Variants in CYP2C8 observed in about 807,000 individuals in gnomAD.
The protein encoded by CYP2C8 is cytochrome P450 2C8.
A neutral mutation model predicts 41.3 loss-of-function variants in CYP2C8; 51 were observed. The observed-to-expected ratio is 1.24, with a 90% CI of 0.99 to 1.56. The LOEUF is 1.56. Ranked by LOEUF, CYP2C8 falls within the 40% of genes most tolerant of loss-of-function variation. The probability of loss-of-function intolerance (pLI) is 0.00; values close to 1 mark genes in which losing one functional copy is unlikely to be tolerated. For missense variants in CYP2C8, 651 were observed against 579.9 expected, an observed-to-expected ratio of 1.12 and a Z score of -1.26; for synonymous variants, 218 against 205.8, an observed-to-expected ratio of 1.06 and a Z score of -0.51.
chr10:95,037,195 G>T lies in CYP2C8; in HGVS notation c.1406C>A (p.Thr469Asn), dbSNP rs753802612. The change falls in exon 9 of 9, where the codon ACT becomes AAT. Residue 469 changes from threonine (T) to asparagine (N), a missense_variant. Thr to Asn is a moderately conservative substitution (Grantham distance 65, BLOSUM62 0). Transcript: ENST00000371270. ...KSVDDLKNLNTTAVTKGIVSL... is the reference protein window; with the variant it reads ...KSVDDLKNLNNTAVTKGIVSL... The stretch of plus-strand genomic sequence containing the variant: ...AACAATCCCTTTGGTAACTGCAGTA[G>T]TATTGAGGTTCTTTAAATCATCAAC... The T allele has an allele frequency of 2.9e-5, 46 of 1,613,802 alleles. No homozygotes were observed. The highest frequency in any genetic ancestry group is 3.7e-5 in the Non-Finnish European group (44 of 1,179,852).
intron 4 of CYP2C8, among the ~76,000 whole-genome samples, chr10:95,059,761 A>G (rs781513980): frequency 6.6e-6 from 1 of 152,178 alleles, no homozygotes; most frequent in South Asian, 2.1e-4. Context: ...TTCTTCTAGA[A>G]TTTTTATGGT....
At chr10:95,045,691 G>T in intron 6 of CYP2C8, 119 bp downstream of exon 6, 1 of 1,225,010 alleles carries the variant, frequency 8.2e-7, no homozygotes, top group Non-Finnish European at 1.2e-6. Context: ...ACAGATTACA[G>T]CTGATGACAC....
In CYP2C8 at chr10:95,064,893, G is replaced by A. The variant is rs1462273090; in HGVS notation, c.549C>T (p.Phe183=). The part of the protein sequence containing the change: ...APCNVICSVV[F]QKRFDYKDQN... The stretch of plus-strand genomic sequence containing the variant: ...GATCTTTATAATCAAATCGTTTCTG[G>A]AAAACAACGGAGCAGATCACATTGC... Residue 183 remains phenylalanine (F), a synonymous_variant, in exon 4 of 9, where the codon TTC becomes TTT. Coordinates refer to ENST00000371270, the MANE Select transcript of CYP2C8 (RefSeq NM_000770.3). 1 of 1,613,606 alleles carries A rather than the reference G, an allele frequency of 6.2e-7. No individual in the cohort carries two copies. The highest frequency in any genetic ancestry group is 1.1e-5 in the South Asian group (1 of 91,060).
chr10:95,062,526 A>G (rs142308077), intron 4 of CYP2C8, among the ~76,000 whole-genome samples: 12,149 of 152,150 alleles, frequency 0.08, 612 homozygotes, highest in Middle Eastern at 0.16. Context: ...TTTTGAGCCT[A>G]TGTGCGTCTC....
chr10:95,057,517 AG>A (rs1224893540), intron 5 of CYP2C8, among the ~76,000 whole-genome samples: 1 of 152,274 alleles, frequency 6.6e-6, no homozygotes, highest in East Asian at 1.9e-4. Context: ...TCTTGAAAAA[AG>A]CTTTGAGGAC....
intron 4 of CYP2C8, among the ~76,000 whole-genome samples, chr10:95,063,019 G>A (rs938694454): frequency 3.3e-5 from 5 of 152,306 alleles, no homozygotes; most frequent in African/African-American, 1.2e-4. Context: ...CTGTTAGTCT[G>A]ATGGGCTTCC....
chr10:95,046,046 CA>C (rs1262480654), intron 5 of CYP2C8, 95 bp from the exon 6 acceptor site: 2 of 1,405,190 alleles, frequency 1.4e-6, no homozygotes, highest in Non-Finnish European at 2.0e-6. Flanking sequence ...TAAAGTTAGC[CA>C]AAAGAGATAC....
chr10:95,061,141 T>A (rs1336726888), intron 4 of CYP2C8, among the ~76,000 whole-genome samples: 1 of 152,226 alleles, frequency 6.6e-6, no homozygotes, highest in East Asian at 1.9e-4. Flanking sequence ...GTTATCAGGA[T>A]GATGCTGGCC....
At position 95,048,804 on chromosome 10, in the gene CYP2C8, C is replaced by T. The variant is rs11572141; in HGVS notation, c.820-2853G>A. Among the ~76,000 whole-genome samples, 262 of 152,116 alleles carry T rather than the reference C, an allele frequency of 1.7e-3. 2 individuals are homozygous for T. The highest frequency in any genetic ancestry group is 3.1e-3 in the Admixed American group (47 of 15,264). On this transcript the variant is annotated intron_variant, in intron 5 of 8. Coordinates refer to ENST00000371270, the MANE Select transcript of CYP2C8 (RefSeq NM_000770.3). ...AATGAAATATGATTCTTATATCTCACCACATACAAAAATTAACTCAAGATG... is the reference window on the plus strand; with the variant it reads ...AATGAAATATGATTCTTATATCTCATCACATACAAAAATTAACTCAAGATG...
chr10:95,053,742 A>G (rs1198770551), intron 5 of CYP2C8, among the ~76,000 whole-genome samples: 1 of 152,052 alleles, frequency 6.6e-6, no homozygotes, highest in Non-Finnish European at 1.5e-5. Context: ...AGGGAGGGAA[A>G]CATGACACAC....
chr10:95,038,283 C>T (rs912194757), intron 8 of CYP2C8, among the ~76,000 whole-genome samples: 7 of 152,182 alleles, frequency 4.6e-5, no homozygotes, highest in African/African-American at 1.4e-4. Flanking sequence ...CTTTGAAGCA[C>T]ATGAAACATC....
intron 4 of CYP2C8, among the ~76,000 whole-genome samples, chr10:95,059,111 C>T (rs1263022139): frequency 6.6e-6 from 1 of 152,184 alleles, no homozygotes. Flanking sequence ...CATACGTGTG[C>T]ATGTGTCTTT....
intron 7 of CYP2C8, among the ~76,000 whole-genome samples, chr10:95,041,590 G>C (rs1440498244): frequency 6.6e-6 from 1 of 151,174 alleles, no homozygotes; most frequent in Non-Finnish European, 1.5e-5. Context: ...GACCATCCTG[G>C]CTAACAAGGT....
intron 5 of CYP2C8, among the ~76,000 whole-genome samples, chr10:95,056,570 C>T (rs11572112): frequency 3.3e-5 from 5 of 152,196 alleles, no homozygotes; most frequent in Admixed American, 3.3e-4. Flanking sequence ...TTGAACCACA[C>T]AAAACAACAA....
At position 95,069,228 on chromosome 10, in the gene CYP2C8, G is replaced by C. The variant is rs1406468663; in HGVS notation, c.168+7C>G. ...CAATTGGCTGGAGGAACATAAGGCA[G>C]ACTTACATTGGTGAAAGATTTGCAG... On this transcript the variant is annotated splice_region_variant and intron_variant, in intron 1 of 8. Transcript: ENST00000371270. 1 of 1,614,086 alleles carries C rather than the reference G, an allele frequency of 6.2e-7. No homozygotes were observed. The highest frequency in any genetic ancestry group is 1.1e-5 in the South Asian group (1 of 91,076).
intron 1 of CYP2C8, among the ~76,000 whole-genome samples, chr10:95,068,214 T>C (rs1471931638): frequency 6.6e-6 from 1 of 152,188 alleles, no homozygotes; most frequent in African/African-American, 2.4e-5. Flanking sequence ...GTATTTACAG[T>C]GTCACCCCAG....
At chr10:95,050,675 C>T (rs1318337578) in intron 5 of CYP2C8, among the ~76,000 whole-genome samples, 1 of 152,140 alleles carries the variant, frequency 6.6e-6, no homozygotes, top group African/African-American at 2.4e-5. Flanking sequence ...CAAGGCAGTA[C>T]CTCTACAAGT....
At chr10:95,040,309 T>C (rs896793368) in intron 7 of CYP2C8, among the ~76,000 whole-genome samples, 3 of 152,120 alleles carry the variant, frequency 2.0e-5, no homozygotes, top group African/African-American at 7.2e-5. Flanking sequence ...AAACTGTGGA[T>C]TGTAGTCCTA....
chr10:95,038,733 A>G (rs932434447), intron 8 of CYP2C8, among the ~76,000 whole-genome samples, 164 bp downstream of exon 8: 18 of 152,178 alleles, frequency 1.2e-4, no homozygotes, highest in African/African-American at 4.3e-4. Context: ...CCCAATAATG[A>G]TGGTGTATTG....
Sources: allele counts gnomAD v4.1 joint callset (sites outside exome capture counted in the v4.1 genomes callset), GRCh38; gene constraint gnomAD v4.1.1; transcripts MANE v1.5; gene names NCBI Gene and HGNC (gene_info 2026-07-23, HGNC 2026-07-21).